SH3BP4: variants seen among roughly 807,000 people sequenced by gnomAD.
The protein encoded by SH3BP4 is SH3 domain binding protein 4.
SH3BP4 carries 33 observed loss-of-function variants against 65.5 expected under a neutral mutation model. The ratio of observed to expected loss-of-function variants is 0.50; its 90% CI spans 0.38 to 0.67. The LOEUF is 0.67. Among genes scored for constraint, SH3BP4 ranks in the 30% least tolerant of loss-of-function variants. The probability of loss-of-function intolerance (pLI) is 0.00; values close to 1 mark genes in which losing one functional copy is unlikely to be tolerated. For synonymous variants in SH3BP4, 552 were observed against 545.5 expected (o/e 1.01, Z -0.17); for missense variants, 1,134 against 1,261.4 (o/e 0.90, Z 1.53).
chr2:234,960,321 C>T (rs1692677963), intron 1 of SH3BP4, among the ~76,000 whole-genome samples: 1 of 152,184 alleles, frequency 6.6e-6, no homozygotes, highest in Non-Finnish European at 1.5e-5. Flanking sequence ...TTGTTTTTAT[C>T]TTGTGGTTTG....
chr2:234,955,602 G>C (rs904277408), intron 1 of SH3BP4, among the ~76,000 whole-genome samples: 1 of 152,146 alleles, frequency 6.6e-6, no homozygotes, highest in Non-Finnish European at 1.5e-5. Flanking sequence ...GCTGTGTGCC[G>C]TGTTTTAAGA....
chr2:235,044,710 G>A (rs531310080), intron 4 of SH3BP4, among the ~76,000 whole-genome samples: 1 of 152,244 alleles, frequency 6.6e-6, no homozygotes, highest in Admixed American at 6.5e-5. Flanking sequence ...AGAGTGTCCT[G>A]TAGACACAGG....
chr2:235,044,390 C>G (rs1479442336), intron 4 of SH3BP4, among the ~76,000 whole-genome samples: 1 of 152,240 alleles, frequency 6.6e-6, no homozygotes, highest in Non-Finnish European at 1.5e-5. Context: ...TGGGTCCTGG[C>G]GGTTACCTTG....
At chr2:234,970,137 ACT>A (rs1249237335) in intron 1 of SH3BP4, among the ~76,000 whole-genome samples, 4 of 151,154 alleles carry the variant, frequency 2.6e-5, no homozygotes, top group Non-Finnish European at 5.9e-5. Flanking sequence ...TTACACACAC[ACT>A]CTCACACTCA....
Position 234,976,718 on chromosome 2 carries a change from T to C in SH3BP4, c.-206-18585T>C, listed in dbSNP as rs1164607473. Among the ~76,000 whole-genome samples the C allele has an allele frequency of 6.6e-6, 1 of 150,482 alleles. No homozygotes were observed. Among genetic ancestry groups the C allele is most frequent in the African/African-American group, 2.5e-5 (1 of 40,670 alleles). On this transcript the variant is annotated intron_variant, in intron 1 of 5. Coordinates refer to ENST00000392011, the MANE Select transcript of SH3BP4 (RefSeq NM_014521.3). This position sits in a 1 kb window ranked among gnomAD's most constrained non-coding sequence, Gnocchi z 4.7. ...AGGACACCTGCCTCTGGTCTTCCTCTCAGTAACACACAACCCAGTCTAACT... is the reference window on the plus strand; with the variant it reads ...AGGACACCTGCCTCTGGTCTTCCTCCCAGTAACACACAACCCAGTCTAACT...
chr2:234,982,348 G>T (rs1358751171), intron 1 of SH3BP4, among the ~76,000 whole-genome samples: 1 of 152,176 alleles, frequency 6.6e-6, no homozygotes, highest in African/African-American at 2.4e-5. Flanking sequence ...CTGGTGCTGG[G>T]CTGGGGTCGT....
chr2:235,041,131 A>G lies in SH3BP4; in HGVS notation c.362A>G (p.Asp121Gly), dbSNP rs1695622131. Reference protein sequence around the residue: ...PLNYRNSTLSDSGMIDNLPDS... With the variant: ...PLNYRNSTLSGSGMIDNLPDS... ...AACTACCGGAACTCAACACTGAGTG[A>G]CAGCGGTATGATTGATAATCTTCCA... The change falls in exon 4 of 6, where the codon GAC becomes GGC. Residue 121 changes from aspartate to glycine, a missense_variant. Coordinates refer to ENST00000392011, the MANE Select transcript of SH3BP4 (RefSeq NM_014521.3). This position sits in a 1 kb window ranked among gnomAD's most constrained non-coding sequence, Gnocchi z 6.0. 6 of 1,614,200 alleles carry G rather than the reference A, an allele frequency of 3.7e-6. No homozygotes were observed. Among genetic ancestry groups the G allele is most frequent in the Non-Finnish European group, 4.2e-6 (5 of 1,180,044 alleles).
rs368650845 is a variant in SH3BP4, at chr2:235,041,113, G to A, written c.344G>A (p.Arg115Gln). The change falls in exon 4 of 6, where the codon CGG becomes CAG. Residue 115 changes from arginine (R) to glutamine (Q), a missense_variant. Transcript: ENST00000392011. The surrounding 1 kb of genome is among the most constrained non-coding windows in gnomAD (Gnocchi z 6.0). ...PSSYVQPLNYRNSTLSDSGMI... is the reference protein window; with the variant it reads ...PSSYVQPLNYQNSTLSDSGMI... ...TCCTATGTGCAGCCCTTGAACTACC[G>A]GAACTCAACACTGAGTGACAGCGGT... The A allele has an allele frequency of 1.1e-5, 17 of 1,613,980 alleles. No homozygotes were observed. The highest frequency in any genetic ancestry group is 8.3e-5 in the Admixed American group (5 of 59,986).
intron 1 of SH3BP4, among the ~76,000 whole-genome samples, chr2:234,953,923 G>A (rs1302287522): frequency 1.3e-5 from 2 of 151,804 alleles, no homozygotes; most frequent in African/African-American, 4.8e-5. Context: ...CTTTCTGCTT[G>A]TAGGCGGATT....
intron 2 of SH3BP4, among the ~76,000 whole-genome samples, chr2:235,025,523 A>G (rs1361804533): frequency 6.6e-6 from 1 of 152,246 alleles, no homozygotes; most frequent in Non-Finnish European, 1.5e-5. Flanking sequence ...CATCCGTGCC[A>G]CAGATGGCAC....
In SH3BP4 at chr2:235,020,227, T is replaced by C. The variant is rs1199545591; in HGVS notation, c.-132-14644T>C. On this transcript the variant is annotated intron_variant, in intron 2 of 5. Coordinates refer to ENST00000392011, the MANE Select transcript of SH3BP4 (RefSeq NM_014521.3). ...TAAGTGACTTCTTGACCAGGTTCAG[T>C]AACTCATGCCTATAATCCCAGCACT... is the stretch of plus-strand genomic sequence containing the variant. Among the ~76,000 whole-genome samples, 3 of 152,224 alleles carry C rather than the reference T, an allele frequency of 2.0e-5. No individual in the cohort carries two copies. In the East Asian group the frequency reaches 5.8e-4, roughly 29 times the overall value.
At chr2:235,005,127 A>T (rs565358860) in intron 2 of SH3BP4, among the ~76,000 whole-genome samples, 3 of 152,216 alleles carry the variant, frequency 2.0e-5, no homozygotes, top group Non-Finnish European at 4.4e-5. Flanking sequence ...AGGATAGTCA[A>T]CAACAGACCT....
intron 2 of SH3BP4, among the ~76,000 whole-genome samples, chr2:235,016,611 C>A (rs967747819): frequency 2.0e-5 from 3 of 152,218 alleles, no homozygotes; most frequent in Non-Finnish European, 4.4e-5. Context: ...TGAGTTCAAG[C>A]GATTCTCCTG....
intron 2 of SH3BP4, among the ~76,000 whole-genome samples, chr2:235,020,563 G>A (rs79785654): frequency 0.02 from 3,018 of 152,130 alleles, 105 homozygotes; most frequent in African/African-American, 0.07. Flanking sequence ...AAATATAATC[G>A]GAAAAGGAGA....
rs532253353 is a variant in SH3BP4 at position 234,992,550 on chromosome 2, G to A, written c.-206-2753G>A. ...TCTAGGTCTGGAGCCCCTGGAGATG[G>A]ACACGTTCCTGCTGCGTGTCTCTGG... On this transcript the variant is annotated intron_variant, in intron 1 of 5. Transcript: ENST00000392011. Among the ~76,000 whole-genome samples the A allele has an allele frequency of 2.0e-5, 3 of 152,102 alleles. No individual in the cohort carries two copies. The South Asian group carries it at 6.3e-4, about 32-fold the overall frequency.
At chr2:234,988,654 G>GAGGGCGTT (rs1693657284) in intron 1 of SH3BP4, among the ~76,000 whole-genome samples, 1 of 152,166 alleles carries the variant, frequency 6.6e-6, no homozygotes, top group Admixed American at 6.5e-5. Context: ...GCCAGGGAGG[G>GAGGGCGTT]AGGGCGTTCA....
intron 4 of SH3BP4, 124 bp downstream of exon 4, chr2:235,043,371 G>A (rs1280495090): frequency 3.1e-6 from 2 of 646,476 alleles, no homozygotes; most frequent in South Asian, 2.1e-5. Flanking sequence ...TGTGGCTGAT[G>A]TCCCGCTGCC....
intron 4 of SH3BP4, among the ~76,000 whole-genome samples, chr2:235,043,899 A>G (rs1353196250): frequency 6.6e-6 from 1 of 152,262 alleles, no homozygotes; most frequent in Non-Finnish European, 1.5e-5. Flanking sequence ...CAACCCAAGG[A>G]CCCTGCAAAG....
At chr2:234,996,281 TAAAG>T (rs1458755182) in intron 2 of SH3BP4, among the ~76,000 whole-genome samples, 2 of 152,178 alleles carry the variant, frequency 1.3e-5, no homozygotes, top group African/African-American at 2.4e-5. Flanking sequence ...CCCTTCTAAA[TAAAG>T]CAGGCAGCTA....
Sources: allele counts gnomAD v4.1 joint callset (sites outside exome capture counted in the v4.1 genomes callset), GRCh38; gene constraint gnomAD v4.1.1; non-coding constraint Gnocchi (gnomAD v3.1); transcripts MANE v1.5; gene names NCBI Gene and HGNC (gene_info 2026-07-23, HGNC 2026-07-21).